Variants in FGGY observed in about 807,000 individuals in gnomAD.
The protein encoded by FGGY is FGGY carbohydrate kinase domain containing, also known as FGGY carbohydrate kinase domain-containing protein.
Under a neutral mutation model 71.3 loss-of-function variants are expected in FGGY, and 72 were observed. The ratio of observed to expected loss-of-function variants is 1.01; its 90% CI spans 0.84 to 1.23. FGGY has a LOEUF of 1.23. Ranked by LOEUF, FGGY falls within the 50% of genes most tolerant of loss-of-function variation. The probability of loss-of-function intolerance (pLI) is 0.00; values close to 1 mark genes in which losing one functional copy is unlikely to be tolerated. For synonymous variants in FGGY, 251 were observed against 250.3 expected (o/e 1.00, Z -0.02); for missense variants, 668 against 682.3 (o/e 0.98, Z 0.23).
At chr1:59,681,407 C>G (rs2097497431) in intron 14 of FGGY, among the ~76,000 whole-genome samples, 1 of 152,158 alleles carries the variant, frequency 6.6e-6, no homozygotes, top group African/African-American at 2.4e-5. Context: ...GGCTAAACAT[C>G]TACTAAGTTC....
intron 5 of FGGY, among the ~76,000 whole-genome samples, chr1:59,396,581 T>C (rs1340863083): frequency 1.3e-5 from 2 of 152,140 alleles, no homozygotes; most frequent in Non-Finnish European, 1.5e-5. Flanking sequence ...AGTTTGATGT[T>C]ATCGCACTTC....
chr1:59,311,393 T>TC (rs1380242239), intron 1 of FGGY, among the ~76,000 whole-genome samples: 1 of 151,814 alleles, frequency 6.6e-6, no homozygotes, highest in East Asian at 1.9e-4. Context: ...CCTCCCCTCG[T>TC]CCCCCCACCC....
At chr1:59,754,023 G>A (rs192794543) in intron 14 of FGGY, among the ~76,000 whole-genome samples, 100 of 152,348 alleles carry the variant, frequency 6.6e-4, no homozygotes, top group African/African-American at 2.3e-3. Context: ...TCCAGCTGGA[G>A]TCTGCCAGAA....
At chr1:59,371,473 C>T (rs2057620068) in intron 4 of FGGY, among the ~76,000 whole-genome samples, 1 of 152,080 alleles carries the variant, frequency 6.6e-6, no homozygotes, top group African/African-American at 2.4e-5. Flanking sequence ...CTTTAACACC[C>T]CACTGTCAAC....
chr1:59,576,407 G>A (rs1401709555), intron 8 of FGGY, among the ~76,000 whole-genome samples: 1 of 152,006 alleles, frequency 6.6e-6, no homozygotes, highest in African/African-American at 2.4e-5. Context: ...CGGGGGGTAG[G>A]GGGAAAGGGG....
rs923216886 is a variant in FGGY, at chr1:59,542,546, G to A, written c.800-11578G>A. On this transcript the variant is annotated intron_variant, in intron 7 of 15. Transcript: ENST00000303721. ...ACGATCTTGGCTCACTGCAACCTCC[G>A]CCTCCCGGGTTCAAGCATTTCTGTC... Among the ~76,000 whole-genome samples, 3 of 122,354 alleles carry A rather than the reference G, an allele frequency of 2.5e-5. 1 individual carries two copies. Among genetic ancestry groups the A allele is most frequent in the South Asian group, 5.8e-4 (2 of 3,470 alleles). The allele number at this position is 122,354 out of a possible 152,430, so 80.3% of individuals were successfully genotyped here.
chr1:59,367,540 C>T (rs1326003418), intron 4 of FGGY, among the ~76,000 whole-genome samples: 1 of 152,240 alleles, frequency 6.6e-6, no homozygotes, highest in Non-Finnish European at 1.5e-5. Context: ...TTACTGCTCA[C>T]AGCAGATAAC....
At chr1:59,760,416 C>T (rs1446753218) in intron 15 of FGGY, among the ~76,000 whole-genome samples, 5 of 152,148 alleles carry the variant, frequency 3.3e-5, no homozygotes, top group African/African-American at 1.2e-4. Context: ...ATAGAATTAA[C>T]ATGTGATTCA....
intron 9 of FGGY, among the ~76,000 whole-genome samples, chr1:59,609,401 A>C (rs543972043): frequency 2.0e-5 from 3 of 152,360 alleles, no homozygotes; most frequent in African/African-American, 7.2e-5. Context: ...CCATGAGGGT[A>C]AAGGCCTGAG....
At chr1:59,646,315 G>A (rs4522023) in intron 11 of FGGY, among the ~76,000 whole-genome samples, 121,421 of 151,904 alleles carry the variant, frequency 0.8, 48,835 homozygotes, top group Middle Eastern at 0.91. Context: ...TGATTTATTC[G>A]GACTTTTTTT....
At chr1:59,758,490 C>T (rs936154523) in intron 15 of FGGY, among the ~76,000 whole-genome samples, 1 of 152,190 alleles carries the variant, frequency 6.6e-6, no homozygotes, top group Non-Finnish European at 1.5e-5. Context: ...TTAATTTAGG[C>T]ACATAAGATT....
At chr1:59,601,560 T>C (rs901584919) in intron 8 of FGGY, among the ~76,000 whole-genome samples, 1 of 152,186 alleles carries the variant, frequency 6.6e-6, no homozygotes, top group African/African-American at 2.4e-5. Flanking sequence ...TGTCTTCAGC[T>C]ATAATATGGG....
At chr1:59,642,928 G>A (rs139845775) in intron 11 of FGGY, among the ~76,000 whole-genome samples, 188 of 150,306 alleles carry the variant, frequency 1.3e-3, no homozygotes, top group African/African-American at 4.3e-3. Context: ...CCAGCTACTC[G>A]GGAGGCTGAG....
chr1:59,591,446 C>A (rs374276435), intron 8 of FGGY, among the ~76,000 whole-genome samples: 1 of 151,896 alleles, frequency 6.6e-6, no homozygotes, highest in Admixed American at 6.6e-5. Context: ...CTACTTTAAA[C>A]TTCATATGGA....
chr1:59,592,122 A>C (rs1481576944), intron 8 of FGGY, among the ~76,000 whole-genome samples: 1 of 152,240 alleles, frequency 6.6e-6, no homozygotes, highest in Admixed American at 6.5e-5. Context: ...AAAGTGGGCA[A>C]AGGACATGAA....
chr1:59,759,560 GTCC>G (rs1289684904), intron 15 of FGGY, among the ~76,000 whole-genome samples: 8 of 152,358 alleles, frequency 5.3e-5, no homozygotes, highest in African/African-American at 1.9e-4. Context: ...TGTTCAGAGA[GTCC>G]TCCGCTGCTT....
chr1:59,432,672 C>G (rs17482585), intron 5 of FGGY, among the ~76,000 whole-genome samples: 27,022 of 152,172 alleles, frequency 0.18, 2,431 homozygotes, highest in Non-Finnish European at 0.2. Context: ...TGCCTCCTGT[C>G]TGTCTGGTAC....
intron 2 of FGGY, among the ~76,000 whole-genome samples, chr1:59,323,928 T>C (rs1305182322): frequency 1.3e-5 from 2 of 152,184 alleles, no homozygotes; most frequent in Non-Finnish European, 2.9e-5. Context: ...GAGGCGCTTC[T>C]TGGGAATATT....
chr1:59,489,777 T>A (rs1411905939), intron 6 of FGGY, among the ~76,000 whole-genome samples: 2 of 152,182 alleles, frequency 1.3e-5, no homozygotes, highest in Non-Finnish European at 2.9e-5. Context: ...TTTGTAGTTT[T>A]TTGAGGAACC....
Sources: allele counts gnomAD v4.1 joint callset (sites outside exome capture counted in the v4.1 genomes callset), GRCh38; gene constraint gnomAD v4.1.1; transcripts MANE v1.5; gene names NCBI Gene and HGNC (gene_info 2026-07-23, HGNC 2026-07-21).